Variants in CEP63 observed in about 807,000 individuals in gnomAD.
CEP63 encodes centrosomal protein 63, also known as centrosomal protein of 63 kDa.
A neutral mutation model predicts 89.1 loss-of-function variants in CEP63; 84 were observed. The observed-to-expected ratio is 0.94, with a 90% CI of 0.79 to 1.13. CEP63 has a LOEUF of 1.13. Among genes scored for constraint, CEP63 ranks in the 50% most tolerant of loss-of-function variants. CEP63 has a pLI of 0.00. For missense variants in CEP63, 838 were observed against 813.3 expected (o/e 1.03, Z -0.37); for synonymous variants, 267 against 272.5 (o/e 0.98, Z 0.20).
At chr3:134,692,884 T>G in the CEP63 span, among the ~76,000 whole-genome samples, 2 of 152,216 alleles carry the variant, frequency 1.3e-5, no homozygotes, top group African/African-American at 2.4e-5. Context: ...TTATTTGGGT[T>G]AGCCTGGCAT....
chr3:134,552,594 T>G (rs1445722559), intron 12 of CEP63: 1 of 152,262 alleles, frequency 6.6e-6, no homozygotes, highest in Non-Finnish European at 1.5e-5. Flanking sequence ...ACTTAGCATA[T>G]AGTACATAGT....
At chr3:134,523,016 C>T (rs187268700) in intron 3 of CEP63, among the ~76,000 whole-genome samples, 11 of 152,240 alleles carry the variant, frequency 7.2e-5, no homozygotes, top group Admixed American at 7.2e-4. Flanking sequence ...ACACTTCCAC[C>T]AACAGTGTAT....
chr3:134,679,688 C>A, the CEP63 span, among the ~76,000 whole-genome samples: 1 of 152,114 alleles, frequency 6.6e-6, no homozygotes, highest in Non-Finnish European at 1.5e-5. Context: ...AAAATGAAGT[C>A]ATCAGGGTGG....
chr3:134,513,612 A>G (rs922888532), intron 3 of CEP63, among the ~76,000 whole-genome samples: 1 of 152,154 alleles, frequency 6.6e-6, no homozygotes, highest in African/African-American at 2.4e-5. Context: ...TAAAGAAGGC[A>G]GCCGAGAGGA....
At chr3:134,624,214 T>C in the CEP63 span, among the ~76,000 whole-genome samples, 2 of 152,032 alleles carry the variant, frequency 1.3e-5, no homozygotes, top group Admixed American at 1.3e-4. Context: ...GGTGTTAGAG[T>C]TCTTCCCCTC....
intron 3 of CEP63, among the ~76,000 whole-genome samples, chr3:134,528,116 GCT>G (rs1949046319): frequency 6.6e-6 from 1 of 152,194 alleles, no homozygotes; most frequent in African/African-American, 2.4e-5. Flanking sequence ...TGCTAGTTCA[GCT>G]CACTTGTTTT....
the CEP63 span, among the ~76,000 whole-genome samples, chr3:134,596,697 C>G: frequency 3.8e-4 from 58 of 152,294 alleles, no homozygotes; most frequent in African/African-American, 1.3e-3. Flanking sequence ...AAGCGTTTAC[C>G]AAACACCTAC....
At chr3:134,490,719 C>T (rs1348144748) in intron 1 of CEP63, among the ~76,000 whole-genome samples, 2 of 151,658 alleles carry the variant, frequency 1.3e-5, no homozygotes, top group African/African-American at 4.8e-5. Flanking sequence ...ATTTTCCTTC[C>T]TTACTGATAC....
At chr3:134,735,792 T>A in the CEP63 span, among the ~76,000 whole-genome samples, 7 of 151,932 alleles carry the variant, frequency 4.6e-5, no homozygotes, top group African/African-American at 1.5e-4. Context: ...ACTAAGAAAA[T>A]CTAAAAACAA....
At chr3:134,701,681 C>T in the CEP63 span, among the ~76,000 whole-genome samples, 2 of 152,016 alleles carry the variant, frequency 1.3e-5, no homozygotes, top group Admixed American at 6.5e-5. Context: ...CAAGGATGCC[C>T]TTTCTCACCA....
intron 6 of CEP63, among the ~76,000 whole-genome samples, chr3:134,542,829 T>C (rs1952339044): frequency 6.6e-6 from 1 of 152,100 alleles, no homozygotes; most frequent in Non-Finnish European, 1.5e-5. Flanking sequence ...TTTAACCACC[T>C]CTGCTGTGAT....
chr3:134,620,322 G>A, the CEP63 span, among the ~76,000 whole-genome samples: 1 of 152,150 alleles, frequency 6.6e-6, no homozygotes, highest in South Asian at 2.1e-4. Context: ...CGCTTTTCCT[G>A]GCCCTGGTAT....
the CEP63 span, among the ~76,000 whole-genome samples, chr3:134,686,982 A>G: frequency 6.6e-6 from 1 of 152,230 alleles, no homozygotes; most frequent in South Asian, 2.1e-4. Context: ...CTTCCCCCAG[A>G]GCAAAATACT....
chr3:134,664,334 T>C, the CEP63 span, among the ~76,000 whole-genome samples: 1 of 152,320 alleles, frequency 6.6e-6, no homozygotes, highest in Admixed American at 6.5e-5. Context: ...AATGAGGCAA[T>C]GCAGAGTGTG....
rs1282546390 is a variant in CEP63 at position 134,546,180 on chromosome 3, C to T, written c.821C>T (p.Ala274Val). 4.3e-6 allele frequency: 7 copies of T among 1,613,640 alleles called. No individual in the cohort carries two copies. Among genetic ancestry groups the T allele is most frequent in the Admixed American group, 3.3e-5 (2 of 59,980 alleles). Residue 274 changes from alanine (A) to valine (V), a missense_variant, in exon 8 of 15, where the codon GCA becomes GTA. Transcript: ENST00000675561. The part of the protein sequence containing the change: ...ALQEEKRELK[A>V]ALQSQENLIH... ...CAGGAAGAAAAGAGAGAATTGAAGG[C>T]AGCTCTTCAGTCTCAAGAAAATCTC... is the stretch of plus-strand genomic sequence containing the variant.
intron 3 of CEP63, among the ~76,000 whole-genome samples, chr3:134,526,953 G>A (rs958024786): frequency 6.6e-6 from 1 of 152,018 alleles, no homozygotes; most frequent in African/African-American, 2.4e-5. Context: ...TTTTTTCTCT[G>A]GCTCCTTGAA....
At chr3:134,590,604 G>A (rs1052002775), downstream of CEP63, among the ~76,000 whole-genome samples, 3 of 152,148 alleles carry the variant, frequency 2.0e-5, no homozygotes, top group Non-Finnish European at 2.9e-5. Context: ...GCTCTCAGAC[G>A]TCCAAACACA....
At chr3:134,580,479 C>T (rs537255518) in intron 10 of CEP63, among the ~76,000 whole-genome samples, 1 of 151,982 alleles carries the variant, frequency 6.6e-6, no homozygotes, top group Non-Finnish European at 1.5e-5. Flanking sequence ...AACAAACACA[C>T]AGACAAACAG....
intron 3 of CEP63, among the ~76,000 whole-genome samples, chr3:134,509,699 C>T (rs898115419): frequency 1.3e-5 from 2 of 152,148 alleles, no homozygotes; most frequent in African/African-American, 2.4e-5. Flanking sequence ...TTCCAAGACA[C>T]ACAGGACTAT....
Sources: allele counts gnomAD v4.1 joint callset (sites outside exome capture counted in the v4.1 genomes callset), GRCh38; gene constraint gnomAD v4.1.1; transcripts MANE v1.5; gene names NCBI Gene and HGNC (gene_info 2026-07-23, HGNC 2026-07-21).